The following ADCY3 variants were observed in gnomAD, a reference collection of about 807,000 sequenced individuals.
ADCY3 encodes the protein adenylate cyclase 3, also known as adenylate cyclase type 3.
ADCY3 carries 70 observed loss-of-function variants against 119.4 expected under a neutral mutation model. That is an observed-to-expected ratio of 0.59 (90% CI 0.48 to 0.72). The LOEUF is 0.72. Ranked by LOEUF, ADCY3 falls within the 30% of genes least tolerant of loss-of-function variation. The probability of loss-of-function intolerance (pLI) is 0.00; values close to 1 mark genes in which losing one functional copy is unlikely to be tolerated. For missense variants in ADCY3, 1,238 were observed against 1,541.6 expected (o/e 0.80, Z 3.30); for synonymous variants, 672 against 621.4 (o/e 1.08, Z -1.21).
chr2:24,825,570 A>C (rs1668500961), intron 16 of ADCY3: 1 of 164,578 alleles, frequency 6.1e-6, no homozygotes, highest in Non-Finnish European at 1.3e-5. Context: ...TCCTGGACTC[A>C]AGTGATCCTC....
chr2:24,918,591 G>C lies in ADCY3; in HGVS notation c.397C>G (p.Arg133Gly). ...TAGGGCAGCACTCTGCGGGTGACCC[G>C]GTCCGGGAGCAGCCCCTTTTTGCAG... ...VLCKKGLLPDRVTRRVLPYVL... is the reference protein window; with the variant it reads ...VLCKKGLLPDGVTRRVLPYVL... The change falls in exon 2 of 22, where the codon CGG (arginine) becomes GGG (glycine). Residue 133 changes from arginine to glycine, a missense_variant. By Grantham distance (125) the Arg-to-Gly change is moderately radical. Coordinates refer to ENST00000679454, the MANE Select transcript of ADCY3 (RefSeq NM_004036.5). This position sits in a 1 kb window ranked among gnomAD's most constrained non-coding sequence, Gnocchi z 5.4. 1 of 1,614,130 alleles carries C rather than the reference G, an allele frequency of 6.2e-7. No homozygotes were observed. The highest frequency in any genetic ancestry group is 8.5e-7 in the Non-Finnish European group (1 of 1,180,030).
chr2:24,883,007 C>T (rs1380667289), intron 2 of ADCY3, among the ~76,000 whole-genome samples: 1 of 151,928 alleles, frequency 6.6e-6, no homozygotes, highest in Non-Finnish European at 1.5e-5. Context: ...TTGCAGTGAG[C>T]CGAGATCACA....
rs1231008250 is a variant in ADCY3, at chr2:24,822,520, G to C, written c.2994C>G (p.Ser998Arg). Reference sequence around the variant, plus strand: ...TACTGGGGTTAGCTACCTTGTTGGAGCTGGCAAAGCCATTGGTGTTGACAT... The same window carrying C: ...TACTGGGGTTAGCTACCTTGTTGGACCTGGCAAAGCCATTGGTGTTGACAT... ...TPDVNTNGFA[S>R]SNKEDKSERE... The change falls in exon 19 of 22, where the codon AGC becomes AGG. Residue 998 changes from serine (S) to arginine (R), a missense_variant. Transcript: ENST00000679454. 1 of 1,613,618 alleles carries C rather than the reference G, an allele frequency of 6.2e-7. No homozygotes were observed. Among genetic ancestry groups the C allele is most frequent in the East Asian group, 2.2e-5 (1 of 44,884 alleles).
In ADCY3 at chr2:24,918,275, G is replaced by A. The variant is rs750729595; in HGVS notation, c.675+38C>T. On this transcript the variant is annotated intron_variant, in intron 2 of 21. Coordinates refer to ENST00000679454, the MANE Select transcript of ADCY3 (RefSeq NM_004036.5). The surrounding 1 kb of genome is among the most constrained non-coding windows in gnomAD (Gnocchi z 5.4). ...AGGTCCCAAGTTGGTGAGAGCTGCA[G>A]GAGAGGACGCTGTGGGGGGACAGTG... The A allele has an allele frequency of 6.6e-7, 1 of 1,520,160 alleles. No homozygotes were observed. The highest frequency in any genetic ancestry group is 8.8e-7 in the Non-Finnish European group (1 of 1,135,884). The allele number at this position is 1,520,160 out of a possible 1,614,324, so 94.2% of individuals were successfully genotyped here.
At chr2:24,848,206 C>T (rs919345320) in intron 3 of ADCY3, among the ~76,000 whole-genome samples, 1 of 152,362 alleles carries the variant, frequency 6.6e-6, no homozygotes, top group African/African-American at 2.4e-5. Context: ...GGACAAGGAA[C>T]ACCTGGCCTG....
At chr2:24,861,416 A>G (rs570990724) in intron 3 of ADCY3, among the ~76,000 whole-genome samples, 4 of 152,160 alleles carry the variant, frequency 2.6e-5, no homozygotes, top group African/African-American at 9.7e-5. Context: ...TTTTCTTAAA[A>G]AAGACATTAA....
chr2:24,887,186 G>C (rs899398606), intron 2 of ADCY3, among the ~76,000 whole-genome samples: 1 of 152,152 alleles, frequency 6.6e-6, no homozygotes, highest in Admixed American at 6.5e-5. Context: ...AAGACGTGCC[G>C]AGCGAAAGGG....
At chr2:24,821,434 GCC>G in intron 20 of ADCY3, 81 bp downstream of exon 20, 1 of 1,564,646 alleles carries the variant, frequency 6.4e-7, no homozygotes, top group Non-Finnish European at 8.7e-7. Flanking sequence ...GTTGTCCTGA[GCC>G]TCATGTCTCT....
intron 3 of ADCY3, among the ~76,000 whole-genome samples, chr2:24,848,521 A>G (rs1033169065): frequency 6.6e-6 from 1 of 152,006 alleles, no homozygotes; most frequent in African/African-American, 2.4e-5. Context: ...CGTGTCTTTA[A>G]TTTCTCTAGC....
Position 24,828,110 on chromosome 2 carries a change from C to T in ADCY3, c.2224G>A (p.Glu742Lys), listed in dbSNP as rs1668881996. Residue 742 changes from glutamate (E) to lysine (K), a missense_variant, in exon 14 of 22, where the codon GAA (glutamate) becomes AAA (lysine). Physicochemically the swap from Glu to Lys is moderately conservative, Grantham distance 56 (BLOSUM62 1). Coordinates refer to ENST00000679454, the MANE Select transcript of ADCY3 (RefSeq NM_004036.5). ...TTCTCCAGGCAGCTGCCCTCCGTTT[C>T]CATCCCTGCCGTTGCATTGCTGGGT... ...TGPSNATAGMETEGSCLENPK... is the reference protein window; with the variant it reads ...TGPSNATAGMKTEGSCLENPK... 2 of 1,613,976 alleles carry T rather than the reference C, an allele frequency of 1.2e-6. No individual in the cohort carries two copies. Among genetic ancestry groups the T allele is most frequent in the African/African-American group, 2.7e-5 (2 of 74,928 alleles).
At chr2:24,916,918 T>C (rs1664530935) in intron 2 of ADCY3, among the ~76,000 whole-genome samples, 1 of 152,158 alleles carries the variant, frequency 6.6e-6, no homozygotes, top group Non-Finnish European at 1.5e-5. Context: ...TGGGGGTCAA[T>C]GCCTGGGCTC....
At chr2:24,866,563 T>TAAAAAA in intron 3 of ADCY3, among the ~76,000 whole-genome samples, 1 of 13,970 alleles carries the variant, frequency 7.2e-5, no homozygotes, top group African/African-American at 2.9e-4. Context: ...AGACCCTGTC[T>TAAAAAA]CAAAAAAAAA....
intron 2 of ADCY3, among the ~76,000 whole-genome samples, chr2:24,913,648 T>C: frequency 6.6e-6 from 1 of 152,194 alleles, no homozygotes; most frequent in East Asian, 1.9e-4. Flanking sequence ...AACAGCTACC[T>C]GCCGTCTGCA....
intron 2 of ADCY3, among the ~76,000 whole-genome samples, chr2:24,882,424 A>C (rs189247489): frequency 6.6e-6 from 1 of 152,316 alleles, no homozygotes; most frequent in African/African-American, 2.4e-5. Context: ...GATTCTCCTA[A>C]GGATCTGTTA....
At position 24,828,133 on chromosome 2, in the gene ADCY3, G is replaced by A; in HGVS notation, c.2201C>T (p.Pro734Leu). Residue 734 changes from proline to leucine, a missense_variant, in exon 14 of 22, where the codon CCC (proline) becomes CTC (leucine). This residue lies in a region of ADCY3 where 499 missense variants were observed against 571.0 expected (regional missense o/e 0.87). Transcript: ENST00000679454. ...MLSCLQYYTG[P>L]SNATAGMETE... ...TTCCATCCCTGCCGTTGCATTGCTG[G>A]GTCCCGTGTAGTACTGGAGACAGCT... 1.2e-6 allele frequency: 2 copies of A among 1,614,026 alleles called. No individual in the cohort carries two copies. Among genetic ancestry groups the A allele is most frequent in the Non-Finnish European group, 8.5e-7 (1 of 1,180,034 alleles).
At chr2:24,827,057 C>T (rs1184328535) in intron 15 of ADCY3, among the ~76,000 whole-genome samples, 1 of 152,106 alleles carries the variant, frequency 6.6e-6, no homozygotes, top group African/African-American at 2.4e-5. Flanking sequence ...CAGGTTTTAC[C>T]CCTCTTCTAT....
intron 2 of ADCY3, among the ~76,000 whole-genome samples, chr2:24,887,178 G>A (rs1378967030): frequency 2.6e-5 from 4 of 152,202 alleles, no homozygotes; most frequent in Non-Finnish European, 5.9e-5. Context: ...GCAGCAGGAA[G>A]ACGTGCCGAG....
chr2:24,901,954 G>A (rs1678951167), intron 2 of ADCY3, among the ~76,000 whole-genome samples: 1 of 150,996 alleles, frequency 6.6e-6, no homozygotes, highest in African/African-American at 2.4e-5. Flanking sequence ...ATATATGTAT[G>A]CACAATTTTT....
At chr2:24,846,825 C>G (rs1029283343) in intron 3 of ADCY3, among the ~76,000 whole-genome samples, 1 of 152,154 alleles carries the variant, frequency 6.6e-6, no homozygotes, top group African/African-American at 2.4e-5. Flanking sequence ...GTGATTCACT[C>G]GCCTCAGCCT....
Sources: allele counts gnomAD v4.1 joint callset (sites outside exome capture counted in the v4.1 genomes callset), GRCh38; gene constraint gnomAD v4.1.1; regional missense constraint gnomAD v4.1.1; non-coding constraint Gnocchi (gnomAD v3.1); transcripts MANE v1.5; gene names NCBI Gene and HGNC (gene_info 2026-07-23, HGNC 2026-07-21).